Variants in EYA4 observed in about 807,000 individuals in gnomAD.
EYA4 encodes EYA transcriptional coactivator and phosphatase 4.
Under a neutral mutation model 87.9 loss-of-function variants are expected in EYA4, and 31 were observed. That is an observed-to-expected ratio of 0.35 (90% CI 0.27 to 0.48). The LOEUF is 0.48. Ranked by LOEUF, EYA4 falls within the 20% of genes least tolerant of loss-of-function variation. The pLI, the probability that EYA4 is intolerant of heterozygous loss-of-function variation, is 0.99. For synonymous variants in EYA4, 263 were observed against 270.6 expected, an observed-to-expected ratio of 0.97 and a Z score of 0.28; for missense variants, 678 against 761.4, an observed-to-expected ratio of 0.89 and a Z score of 1.29.
intron 3 of EYA4, among the ~76,000 whole-genome samples, chr6:133,439,914 T>A (rs1326269320): frequency 1.3e-5 from 2 of 152,170 alleles, no homozygotes; most frequent in South Asian, 4.1e-4. Context: ...TTAAAGGTTA[T>A]CTCCCAGGAA....
intron 13 of EYA4, among the ~76,000 whole-genome samples, chr6:133,500,414 A>G (rs530575833): frequency 1.3e-5 from 2 of 151,990 alleles, no homozygotes; most frequent in South Asian, 4.2e-4. Flanking sequence ...TTATTTCTCC[A>G]TCAGAAAACC....
intron 1 of EYA4, among the ~76,000 whole-genome samples, chr6:133,272,270 A>T (rs565862693): frequency 6.6e-6 from 1 of 152,302 alleles, no homozygotes; most frequent in Admixed American, 6.5e-5. Context: ...AACTGATCAT[A>T]GGGAACTCCC....
At chr6:133,406,652 A>C (rs957158424) in intron 3 of EYA4, among the ~76,000 whole-genome samples, 12 of 152,192 alleles carry the variant, frequency 7.9e-5, no homozygotes, top group African/African-American at 2.9e-4. Flanking sequence ...ATTTTAGTTA[A>C]ATTCAATTAG....
intron 2 of EYA4, among the ~76,000 whole-genome samples, chr6:133,362,249 G>C (rs1784502825): frequency 6.6e-6 from 1 of 152,150 alleles, no homozygotes. Context: ...GTGGGGCCAG[G>C]CTGCTATAAG....
At chr6:133,484,661 G>A (rs965768421) in intron 13 of EYA4, among the ~76,000 whole-genome samples, 8 of 152,224 alleles carry the variant, frequency 5.3e-5, no homozygotes, top group East Asian at 1.9e-4. Context: ...TTTATTCTAA[G>A]TAGTATTGGC....
intron 2 of EYA4, among the ~76,000 whole-genome samples, chr6:133,287,864 G>A (rs1438002338): frequency 1.3e-5 from 2 of 152,140 alleles, no homozygotes; most frequent in African/African-American, 4.8e-5. Context: ...GCCGGGCACG[G>A]TGGCTCATGC....
At position 133,528,889 on chromosome 6, in the gene EYA4, C is replaced by A. The variant is rs1266736270; in HGVS notation, c.*84C>A. The A allele has an allele frequency of 1.2e-6, 2 of 1,606,888 alleles. No homozygotes were observed. Among genetic ancestry groups the A allele is most frequent in the Non-Finnish European group, 1.7e-6 (2 of 1,175,794 alleles). On this transcript the variant is annotated 3_prime_UTR_variant, in exon 20 of 20. Coordinates refer to ENST00000355286, the MANE Select transcript of EYA4 (RefSeq NM_004100.5). ...GTGATTCAATGCCTCTGGCTCTACACATATAAATTGTCTTAATGGATGAAA... is the reference window on the plus strand; with the variant it reads ...GTGATTCAATGCCTCTGGCTCTACAAATATAAATTGTCTTAATGGATGAAA...
At chr6:133,448,448 C>A (rs1480900034) in intron 5 of EYA4, among the ~76,000 whole-genome samples, 3 of 152,062 alleles carry the variant, frequency 2.0e-5, no homozygotes, top group African/African-American at 7.2e-5. Context: ...TATTGGTTTT[C>A]TAACTATTTA....
chr6:133,438,114 C>T (rs928969626), intron 3 of EYA4, among the ~76,000 whole-genome samples: 4 of 152,036 alleles, frequency 2.6e-5, no homozygotes, highest in Non-Finnish European at 5.9e-5. Context: ...AAAGGAAATA[C>T]AGGAATATTT....
At chr6:133,483,966 T>C (rs1438253957) in intron 13 of EYA4, among the ~76,000 whole-genome samples, 3 of 152,010 alleles carry the variant, frequency 2.0e-5, no homozygotes, top group African/African-American at 7.3e-5. Flanking sequence ...TCAAGTGATC[T>C]GCCTGCCCCT....
intron 14 of EYA4, chr6:133,511,603 T>G (rs1452088375): frequency 6.6e-6 from 1 of 152,096 alleles, no homozygotes; most frequent in Non-Finnish European, 1.5e-5. Flanking sequence ...GGACTAAGAC[T>G]CAGAACAGCA....
chr6:133,261,853 AT>A (rs1485946381), intron 1 of EYA4, among the ~76,000 whole-genome samples: 1 of 152,208 alleles, frequency 6.6e-6, no homozygotes, highest in African/African-American at 2.4e-5. Context: ...TTTGAAATAT[AT>A]TTTTTGTTTA....
At chr6:133,301,611 G>A (rs1170677636) in intron 2 of EYA4, among the ~76,000 whole-genome samples, 1 of 152,204 alleles carries the variant, frequency 6.6e-6, no homozygotes, top group African/African-American at 2.4e-5. Context: ...TCACACAATT[G>A]TATAAAGAAG....
intron 16 of EYA4, among the ~76,000 whole-genome samples, chr6:133,514,627 G>T (rs1799435391): frequency 6.6e-6 from 1 of 152,014 alleles, no homozygotes; most frequent in African/African-American, 2.4e-5. Flanking sequence ...CTTTTTAATG[G>T]ATTTACATGA....
intron 3 of EYA4, among the ~76,000 whole-genome samples, chr6:133,401,660 C>T (rs17062457): frequency 0.066 from 10,087 of 152,158 alleles, 1,030 homozygotes; most frequent in African/African-American, 0.22. Flanking sequence ...CGTTTAACCC[C>T]GAAATCTGGT....
chr6:133,375,024 G>A (rs942837638), intron 2 of EYA4, among the ~76,000 whole-genome samples: 1 of 151,818 alleles, frequency 6.6e-6, no homozygotes, highest in East Asian at 1.9e-4. Flanking sequence ...AAAACTCTTG[G>A]TGACAACTTT....
chr6:133,388,906 C>T (rs951644329), intron 3 of EYA4, among the ~76,000 whole-genome samples: 3 of 152,124 alleles, frequency 2.0e-5, no homozygotes, highest in Non-Finnish European at 2.9e-5. Flanking sequence ...CTTGATGTGG[C>T]CCACAGTGCC....
rs535356498 is a variant in EYA4, at chr6:133,358,272, C to G, written c.34-24120C>G. Among the ~76,000 whole-genome samples the G allele has an allele frequency of 2.0e-5, 3 of 152,148 alleles. No homozygotes were observed. The East Asian group carries it at 5.8e-4, about 29-fold the overall frequency. On this transcript the variant is annotated intron_variant, in intron 2 of 19. Coordinates refer to ENST00000355286, the MANE Select transcript of EYA4 (RefSeq NM_004100.5). ...AGGGTCCTGGACTTGTATCAGAGGA[C>G]TTGAGTTTGAATCTTGACTGTTGAG... is the stretch of plus-strand genomic sequence containing the variant.
intron 2 of EYA4, among the ~76,000 whole-genome samples, chr6:133,332,645 G>A (rs1261085425): frequency 6.6e-6 from 1 of 151,426 alleles, no homozygotes; most frequent in African/African-American, 2.4e-5. Flanking sequence ...CCGGGTTCAA[G>A]CTATTCCCCT....
Sources: gnomAD v4.1 joint callset for allele counts (sites outside exome capture counted in the v4.1 genomes callset) on GRCh38, gnomAD v4.1.1 for gene constraint, MANE v1.5 for transcripts, NCBI Gene and HGNC (gene_info 2026-07-23, HGNC 2026-07-21) for gene names.